The following SLC38A5 variants were observed in gnomAD, a reference collection of about 807,000 sequenced individuals.
SLC38A5 encodes sodium-coupled neutral amino acid transporter 5.
A neutral mutation model predicts 34.6 loss-of-function variants in SLC38A5; 9 were observed. The ratio of observed to expected loss-of-function variants is 0.26; its 90% CI spans 0.16 to 0.45. SLC38A5 has a LOEUF of 0.45. SLC38A5 is among the 20% of genes least tolerant of loss of function. The pLI, the probability that SLC38A5 is intolerant of heterozygous loss-of-function variation, is 1.00. For synonymous variants in SLC38A5, 157 were observed against 155.6 expected (o/e 1.01, Z -0.07); for missense variants, 253 against 394.7 (o/e 0.64, Z 3.04).
rs1231791406 is a variant in SLC38A5 at position 48,458,850 on chromosome X, C to T, written c.*83G>A. 9.0e-7 allele frequency: 1 copy of T among 1,110,667 alleles called. No homozygotes were observed. Among genetic ancestry groups the T allele is most frequent in the Non-Finnish European group, 1.2e-6 (1 of 844,526 alleles). 91.5% of individuals were successfully genotyped at this position (1,110,667 alleles called of 1,213,427 possible). A position where few individuals can be genotyped will look rare whatever the true frequency, so the allele number is the denominator to read the frequency against. On this transcript the variant is annotated 3_prime_UTR_variant, in exon 17 of 17. Transcript: ENST00000620913. ...CGTTCATGGGAACCAGCCACCTCCA[C>T]ATGTTGGGCAGGAGGGACCCTAGGG...
chrX:48,462,293 TA>T lies in SLC38A5; in HGVS notation c.575-3del. On this transcript the variant is annotated splice_polypyrimidine_tract_variant and splice_region_variant and intron_variant, in intron 9 of 16. Coordinates refer to ENST00000620913, the MANE Select transcript of SLC38A5 (RefSeq NM_033518.4). ...GACCACTGGTGTACCCCAGGTAGCCTAAGAGGGGCAAAACACAGAGTCTCAG... is the reference window on the plus strand; with the variant it reads ...GACCACTGGTGTACCCCAGGTAGCCTAGAGGGGCAAAACACAGAGTCTCAG... 8.3e-7 allele frequency: 1 copy of T among 1,207,335 alleles called. No individual in the cohort carries two copies. Among genetic ancestry groups the T allele is most frequent in the Non-Finnish European group, 1.1e-6 (1 of 893,159 alleles).
At position 48,459,532 on chromosome X, in the gene SLC38A5, T is replaced by G; in HGVS notation, c.1317+4A>C. The stretch of plus-strand genomic sequence containing the variant: ...TCTCCCTAGCTCTGCCCTGGAATGC[T>G]TACCTGGATCTTGGGCCAGGATAAG... On this transcript the variant is annotated splice_donor_region_variant and intron_variant, in intron 16 of 16. Coordinates refer to ENST00000620913, the MANE Select transcript of SLC38A5 (RefSeq NM_033518.4). 1 of 1,106,884 alleles carries G rather than the reference T, an allele frequency of 9.0e-7. No homozygotes were observed. The highest frequency in any genetic ancestry group is 1.2e-6 in the Non-Finnish European group (1 of 845,014). The allele number at this position is 1,106,884 out of a possible 1,213,427, so 91.2% of individuals were successfully genotyped here.
At position 48,466,111 on chromosome X, in the gene SLC38A5, G is replaced by A. The variant is rs781915590; in HGVS notation, c.413-18C>T. On this transcript the variant is annotated intron_variant, in intron 7 of 16. Coordinates refer to ENST00000620913, the MANE Select transcript of SLC38A5 (RefSeq NM_033518.4). ...GGACATGGCTGGTGCAGGTGGGGGAGGTGTAAGCAGAAGGATTCTCTTCAT... is the reference window on the plus strand; with the variant it reads ...GGACATGGCTGGTGCAGGTGGGGGAAGTGTAAGCAGAAGGATTCTCTTCAT... The A allele has an allele frequency of 5.9e-6, 7 of 1,186,177 alleles. No homozygotes were observed. The East Asian group carries it at 1.5e-4, about 26-fold the overall frequency.
rs1424513620 is a variant in SLC38A5, at chrX:48,459,412, C to T, written c.1317+124G>A. The stretch of plus-strand genomic sequence containing the variant: ...GACAATCACCTTCATTCTTCCAGAC[C>T]ATTCTTTCAGATGCTCTCCCAGCCC... On this transcript the variant is annotated intron_variant, in intron 16 of 16. Transcript: ENST00000620913. 4.6e-6 allele frequency: 3 copies of T among 646,099 alleles called. No homozygotes were observed. In the African/African-American group the frequency reaches 6.9e-5, roughly 15 times the overall value. The allele number at this position is 646,099 out of a possible 1,213,427, so 53.2% of individuals were successfully genotyped here. A position where few individuals can be genotyped will look rare whatever the true frequency, so the allele number is the denominator to read the frequency against.
chrX:48,462,493 C>T (rs1347559798), intron 9 of SLC38A5, among the ~76,000 whole-genome samples: 2 of 111,225 alleles, frequency 1.8e-5, no homozygotes, highest in African/African-American at 6.6e-5. Context: ...CCTGTAATCC[C>T]AGCTACTCGG....
chrX:48,459,206 C>G (rs2061418494), intron 16 of SLC38A5, 172 bp from the exon 17 acceptor site: 1 of 509,382 alleles, frequency 2.0e-6, no homozygotes, highest in East Asian at 3.7e-5. Flanking sequence ...GTCCTTCCAC[C>G]TTCCCAGGAC....
intron 9 of SLC38A5, among the ~76,000 whole-genome samples, chrX:48,462,533 G>A (rs782592515): frequency 4.5e-5 from 5 of 110,691 alleles, no homozygotes; most frequent in South Asian, 3.9e-4. Context: ...CGCTTGAACC[G>A]GGAGGCAGAG....
chrX:48,463,982 G>T (rs979850629), intron 8 of SLC38A5, among the ~76,000 whole-genome samples: 2 of 111,805 alleles, frequency 1.8e-5, no homozygotes, highest in African/African-American at 6.5e-5. Context: ...CACGATCGTG[G>T]TATGTCTGAC....
At chrX:48,461,516 TAGG>T (rs2061434079) in intron 12 of SLC38A5, among the ~76,000 whole-genome samples, 199 bp downstream of exon 12, 1 of 111,950 alleles carries the variant, frequency 8.9e-6, no homozygotes, top group African/African-American at 3.2e-5. Flanking sequence ...GATATTAAAA[TAGG>T]AGAATACTTA....
chrX:48,458,694 T>TCCA lies in SLC38A5; in HGVS notation c.*238_*239insTGG. The TCCA allele has an allele frequency of 1.0e-6, 1 of 983,888 alleles. No individual in the cohort carries two copies. The allele number at this position is 983,888 out of a possible 1,213,427, so 81.1% of individuals were successfully genotyped here. A position where few individuals can be genotyped will look rare whatever the true frequency, so the allele number is the denominator to read the frequency against. ...CTCCTCCTCCTCCTCCTCCTCCTCC[T>TCCA]CTTCTTCCTCCTCCTCCTCCTCCCA... is the stretch of plus-strand genomic sequence containing the variant. On this transcript the variant is annotated 3_prime_UTR_variant, in exon 17 of 17. Coordinates refer to ENST00000620913, the MANE Select transcript of SLC38A5 (RefSeq NM_033518.4).
At position 48,458,696 on chromosome X, in the gene SLC38A5, T is replaced by TCA; in HGVS notation, c.*236_*237insTG. ...CCTCCTCCTCCTCCTCCTCCTCCTC[T>TCA]TCTTCCTCCTCCTCCTCCTCCCATG... On this transcript the variant is annotated 3_prime_UTR_variant, in exon 17 of 17. Transcript: ENST00000620913. 2.3e-5 allele frequency: 9 copies of TCA among 396,773 alleles called. No individual in the cohort carries two copies. The highest frequency in any genetic ancestry group is 6.5e-5 in the East Asian group (1 of 15,391). The allele number at this position is 396,773 out of a possible 1,213,427, so 32.7% of individuals were successfully genotyped here. A position where few individuals can be genotyped will look rare whatever the true frequency, so the allele number is the denominator to read the frequency against.
intron 3 of SLC38A5, 26 bp downstream of exon 3, chrX:48,467,846 C>T (rs782647163): frequency 1.7e-6 from 2 of 1,205,799 alleles, no homozygotes; most frequent in Admixed American, 2.2e-5. Flanking sequence ...GATCCCTGAG[C>T]CCACCTCCTT....
At chrX:48,464,912 C>T (rs1437388257) in intron 8 of SLC38A5, among the ~76,000 whole-genome samples, 2 of 106,042 alleles carry the variant, frequency 1.9e-5, no homozygotes, top group African/African-American at 3.5e-5. Context: ...CCAGCCTGGG[C>T]GACAGAATGA....
At chrX:48,468,222 G>T in intron 2 of SLC38A5, 3 of 988,139 alleles carry the variant, frequency 3.0e-6, no homozygotes, top group Non-Finnish European at 3.8e-6. Flanking sequence ...GAGACAGAAA[G>T]CTACAGAGAG....
At chrX:48,462,838 T>A in intron 9 of SLC38A5, 60 bp downstream of exon 9, 1 of 936,273 alleles carries the variant, frequency 1.1e-6, no homozygotes, top group Non-Finnish European at 1.5e-6. Context: ...GGGGGTTTTC[T>A]CAGTCTGGCT....
rs200874646 is a variant in SLC38A5 at position 48,460,960 on chromosome X, C to A, written c.952+26G>T. The A allele has an allele frequency of 7.2e-6, 8 of 1,117,330 alleles. 1 individual carries two copies. The Admixed American group carries it at 1.9e-4, about 26-fold the overall frequency. The allele number at this position is 1,117,330 out of a possible 1,213,427, so 92.1% of individuals were successfully genotyped here. On this transcript the variant is annotated intron_variant, in intron 13 of 16. Coordinates refer to ENST00000620913, the MANE Select transcript of SLC38A5 (RefSeq NM_033518.4). ...CCTGCCCCAGGCCTTCCCCCTCCCC[C>A]CAGCCCTAGCCCCAGCCCCACTCAC...
intron 8 of SLC38A5, among the ~76,000 whole-genome samples, chrX:48,463,284 C>A (rs1556962343): frequency 2.7e-5 from 3 of 112,592 alleles, no homozygotes; most frequent in Non-Finnish European, 3.8e-5. Flanking sequence ...AGGTCAAACA[C>A]CCCAAATCAG....
At chrX:48,463,853 GAGAAAGAAAGAA>G (rs201520618) in intron 8 of SLC38A5, among the ~76,000 whole-genome samples, 3,806 of 76,957 alleles carry the variant, frequency 0.049, 105 homozygotes, top group East Asian at 0.11. Context: ...AAGAAAGAGA[GAGAAAGAAAGAA>G]AGAAAGAAAG....
In SLC38A5 at chrX:48,466,340, G is replaced by A; in HGVS notation, c.320-18C>T. The A allele has an allele frequency of 8.5e-7, 1 of 1,178,646 alleles. No homozygotes were observed. Among genetic ancestry groups the A allele is most frequent in the East Asian group, 3.1e-5 (1 of 32,118 alleles). On this transcript the variant is annotated intron_variant, in intron 6 of 16. Transcript: ENST00000620913. The stretch of plus-strand genomic sequence containing the variant: ...TCGGATGCCTAGCGGGGGGAGTCAG[G>A]AACAGGGTTGAAGGTCCAGGAGGCC...
Sources: gnomAD v4.1 joint callset for allele counts (sites outside exome capture counted in the v4.1 genomes callset) on GRCh38, gnomAD v4.1.1 for gene constraint, MANE v1.5 for transcripts, NCBI Gene and HGNC (gene_info 2026-07-23, HGNC 2026-07-21) for gene names.